PTCHD4: variants seen among roughly 807,000 people sequenced by gnomAD.
PTCHD4 encodes patched domain containing 4, also known as patched domain-containing protein 4.
In PTCHD4, 33 loss-of-function variants were observed where a neutral mutation model predicts 58.1. The ratio of observed to expected loss-of-function variants is 0.57; its 90% CI spans 0.43 to 0.76. PTCHD4 has a LOEUF of 0.76. PTCHD4 is among the 30% of genes least tolerant of loss of function. PTCHD4 has a pLI of 0.00. For missense variants in PTCHD4, 1,058 were observed against 1,027.1 expected (o/e 1.03, Z -0.41); for synonymous variants, 478 against 409.6 (o/e 1.17, Z -2.02).
chr6:47,973,154 A>G (rs1259103274), intron 4 of PTCHD4, among the ~76,000 whole-genome samples: 4 of 152,060 alleles, frequency 2.6e-5, no homozygotes, highest in African/African-American at 7.2e-5. Context: ...AAGAGACACA[A>G]ACAGAATGGC....
chr6:48,037,255 T>C (rs1763671966), intron 3 of PTCHD4, among the ~76,000 whole-genome samples: 1 of 152,196 alleles, frequency 6.6e-6, no homozygotes, highest in Non-Finnish European at 1.5e-5. Context: ...TATTATTAGT[T>C]ATTGTCAATA....
At chr6:47,884,110 G>GTA (rs1554149326) in intron 4 of PTCHD4, among the ~76,000 whole-genome samples, 22 of 152,100 alleles carry the variant, frequency 1.4e-4, no homozygotes, top group African/African-American at 5.3e-4. Flanking sequence ...GTGTGTGTGT[G>GTA]TGTATGTATG....
chr6:47,994,354 A>C (rs1299089951), intron 4 of PTCHD4, among the ~76,000 whole-genome samples: 1 of 152,226 alleles, frequency 6.6e-6, no homozygotes, highest in African/African-American at 2.4e-5. Flanking sequence ...TCATTCAGTC[A>C]GTCCAAAAAT....
chr6:47,987,672 T>C (rs567541982), intron 4 of PTCHD4, among the ~76,000 whole-genome samples: 1 of 152,124 alleles, frequency 6.6e-6, no homozygotes, highest in Admixed American at 6.6e-5. Context: ...AGATGAGAAG[T>C]CTTATTGAGA....
In PTCHD4 at chr6:47,873,389, T is replaced by A. The variant is rs80080712; in HGVS notation, c.*4914A>T. 0.01 allele frequency among the ~76,000 whole-genome samples: 1,580 copies of A among 151,758 alleles called. 31 individuals carry two copies. Among genetic ancestry groups the A allele is most frequent in the African/African-American group, 0.036 (1,476 of 41,486 alleles). On this transcript the variant is annotated 3_prime_UTR_variant, in exon 5 of 5. Transcript: ENST00000339488. ...AATATCCTTCCAGTGTCATTTCAAA[T>A]GTTGCCTGATCTAACTCCACAACAC... is the stretch of plus-strand genomic sequence containing the variant.
chr6:48,106,145 CA>C (rs892864627), intron 1 of PTCHD4, among the ~76,000 whole-genome samples: 3 of 151,842 alleles, frequency 2.0e-5, no homozygotes, highest in African/African-American at 7.3e-5. Flanking sequence ...AGAGACGCAA[CA>C]AAAAAAGAGA....
At chr6:47,928,460 A>G (rs1765699815) in intron 4 of PTCHD4, among the ~76,000 whole-genome samples, 1 of 152,212 alleles carries the variant, frequency 6.6e-6, no homozygotes, top group Non-Finnish European at 1.5e-5. Flanking sequence ...AGGAAATAAA[A>G]TGACTGAAGT....
Position 47,873,105 on chromosome 6 carries a change from T to C in PTCHD4, c.*5198A>G, listed in dbSNP as rs2114082889. 6.6e-6 allele frequency among the ~76,000 whole-genome samples: 1 copy of C among 151,754 alleles called. No homozygotes were observed. Among genetic ancestry groups the C allele is most frequent in the South Asian group, 2.1e-4 (1 of 4,826 alleles). ...TTTCACTAACAAAAGGGTCTACGGCTCTTCCTTTGTGCTTGGAAATTCAGG... is the reference window on the plus strand; with the variant it reads ...TTTCACTAACAAAAGGGTCTACGGCCCTTCCTTTGTGCTTGGAAATTCAGG... On this transcript the variant is annotated 3_prime_UTR_variant, in exon 5 of 5. Transcript: ENST00000339488.
chr6:48,070,641 A>C (rs1209157308), intron 1 of PTCHD4, among the ~76,000 whole-genome samples: 1 of 152,180 alleles, frequency 6.6e-6, no homozygotes, highest in African/African-American at 2.4e-5. Flanking sequence ...ATGCTACAAC[A>C]TTCCCAAATT....
At chr6:48,071,648 T>C (rs1764977326) in intron 1 of PTCHD4, among the ~76,000 whole-genome samples, 1 of 152,212 alleles carries the variant, frequency 6.6e-6, no homozygotes, top group Admixed American at 6.5e-5. Context: ...ATTTTTGAAA[T>C]TAAAGAATCA....
intron 4 of PTCHD4, among the ~76,000 whole-genome samples, chr6:47,885,615 T>C (rs1581826076): frequency 6.6e-6 from 1 of 152,224 alleles, no homozygotes; most frequent in Non-Finnish European, 1.5e-5. Flanking sequence ...ATAATTCCGT[T>C]TGAGCTTCTA....
At chr6:48,064,557 G>A (rs1410824623) in intron 3 of PTCHD4, among the ~76,000 whole-genome samples, 1 of 151,390 alleles carries the variant, frequency 6.6e-6, no homozygotes, top group Non-Finnish European at 1.5e-5. Flanking sequence ...TTTAATAGTT[G>A]AAAAAAAATA....
At chr6:48,099,550 A>T (rs752157956) in intron 1 of PTCHD4, among the ~76,000 whole-genome samples, 1 of 152,188 alleles carries the variant, frequency 6.6e-6, no homozygotes, top group South Asian at 2.1e-4. Flanking sequence ...ATATTCTCTG[A>T]TTATTTCAGA....
chr6:47,966,223 T>C (rs887398956), intron 4 of PTCHD4, among the ~76,000 whole-genome samples: 4 of 152,204 alleles, frequency 2.6e-5, no homozygotes, highest in Non-Finnish European at 5.9e-5. Flanking sequence ...CACAATGAAC[T>C]GAGCATCACA....
chr6:47,891,477 G>T (rs1007509578), intron 4 of PTCHD4, among the ~76,000 whole-genome samples: 2 of 151,730 alleles, frequency 1.3e-5, no homozygotes, highest in East Asian at 1.9e-4. Context: ...TGCCCAAAAC[G>T]TAAAATGGAC....
chr6:48,090,378 T>C (rs1013621575), intron 1 of PTCHD4, among the ~76,000 whole-genome samples: 3 of 152,162 alleles, frequency 2.0e-5, no homozygotes, highest in African/African-American at 4.8e-5. Flanking sequence ...CCATAGTAAA[T>C]AGCTGCTATC....
At position 47,910,674 on chromosome 6, in the gene PTCHD4, TCC is replaced by T. The variant is rs570158511; in HGVS notation, c.899-30740_899-30739del. Among the ~76,000 whole-genome samples the T allele has an allele frequency of 7.2e-5, 11 of 152,232 alleles. No homozygotes were observed. In the East Asian group the frequency reaches 1.7e-3, roughly 24 times the overall value. On this transcript the variant is annotated intron_variant, in intron 4 of 4. Coordinates refer to ENST00000339488, the MANE Select transcript of PTCHD4 (RefSeq NM_001384253.1). ...CTCTGGTATGGCATCATTATAGCCC[TCC>T]CTCCTGAATCTTAGTATCCACTCCC...
chr6:48,085,883 GC>G (rs1201537348), intron 1 of PTCHD4, among the ~76,000 whole-genome samples: 1 of 151,974 alleles, frequency 6.6e-6, no homozygotes, highest in East Asian at 1.9e-4. Flanking sequence ...TATTCTTTTA[GC>G]TGAGCTATCG....
intron 4 of PTCHD4, among the ~76,000 whole-genome samples, chr6:47,887,448 T>C (rs1764227757): frequency 1.3e-5 from 2 of 152,146 alleles, no homozygotes; most frequent in African/African-American, 4.8e-5. Context: ...ACTTGCTGAG[T>C]GTCACCCAGT....
Sources: allele counts gnomAD v4.1 joint callset (sites outside exome capture counted in the v4.1 genomes callset), GRCh38; gene constraint gnomAD v4.1.1; transcripts MANE v1.5; gene names NCBI Gene and HGNC (gene_info 2026-07-23, HGNC 2026-07-21).